Variants in LDLRAD4 observed in about 807,000 individuals in gnomAD.
The protein encoded by LDLRAD4 is low-density lipoprotein receptor class A domain-containing protein 4.
In LDLRAD4, 5 loss-of-function variants were observed where a neutral mutation model predicts 17.0. That is an observed-to-expected ratio of 0.29 (90% CI 0.15 to 0.62). LDLRAD4 has a LOEUF of 0.62. Ranked by LOEUF, LDLRAD4 falls within the 20% of genes least tolerant of loss-of-function variation. LDLRAD4 has a pLI of 0.84. For missense variants in LDLRAD4, 340 were observed against 424.7 expected, an observed-to-expected ratio of 0.80 and a Z score of 1.75; for synonymous variants, 168 against 171.8, an observed-to-expected ratio of 0.98 and a Z score of 0.17.
chr18:13,494,585 G>A (rs1328910969), intron 3 of LDLRAD4, among the ~76,000 whole-genome samples: 1 of 129,676 alleles, frequency 7.7e-6, no homozygotes, highest in African/African-American at 2.9e-5. Flanking sequence ...AGCTGAGGTG[G>A]GAGGATCCCT....
At chr18:13,496,517 T>C (rs192699072) in intron 3 of LDLRAD4, among the ~76,000 whole-genome samples, 4 of 152,344 alleles carry the variant, frequency 2.6e-5, no homozygotes, top group East Asian at 1.9e-4. Context: ...CCATGTCCCC[T>C]GTGGAGAGGA....
intron 1 of LDLRAD4, among the ~76,000 whole-genome samples, chr18:13,374,886 C>T (rs1040843834): frequency 2.0e-5 from 3 of 152,192 alleles, no homozygotes; most frequent in Non-Finnish European, 4.4e-5. Context: ...AAGAGCACCC[C>T]AGGCCCTGGA....
chr18:13,431,310 C>T (rs912172769), intron 2 of LDLRAD4, among the ~76,000 whole-genome samples: 8 of 152,194 alleles, frequency 5.3e-5, no homozygotes, highest in Non-Finnish European at 7.3e-5. Context: ...TACCTACTTT[C>T]GGTACTGTTC....
In LDLRAD4 at chr18:13,296,940, C is replaced by G. The variant is rs926782753; in HGVS notation, c.-383+18752C>G. On this transcript the variant is annotated intron_variant, in intron 1 of 5. Transcript: ENST00000359446. ...TGGGTTTCTGGAGCCACCATGGACT[C>G]GTTATGTGCCCTGGGCAGTCAGTTC... 5.3e-5 allele frequency among the ~76,000 whole-genome samples: 8 copies of G among 152,224 alleles called. No individual in the cohort carries two copies. The East Asian group carries it at 1.5e-3, about 29-fold the overall frequency.
At chr18:13,319,084 T>G (rs944818658) in intron 1 of LDLRAD4, among the ~76,000 whole-genome samples, 2 of 152,254 alleles carry the variant, frequency 1.3e-5, no homozygotes, top group Non-Finnish European at 2.9e-5. Context: ...ATTCACTGTT[T>G]TTAAATGCTG....
intron 3 of LDLRAD4, among the ~76,000 whole-genome samples, chr18:13,573,356 C>T (rs28545673): frequency 0.16 from 23,717 of 149,446 alleles, 1,849 homozygotes; most frequent in African/African-American, 0.22. Flanking sequence ...CTGCCCACCT[C>T]GGCCTCCCAA....
chr18:13,236,225 G>T (rs1278930071), intron 1 of LDLRAD4, among the ~76,000 whole-genome samples: 4 of 151,668 alleles, frequency 2.6e-5, no homozygotes, highest in African/African-American at 9.7e-5. Context: ...CTCGTTAGAT[G>T]TGGAAACAGT....
At chr18:13,229,524 C>T (rs1000636292) in intron 1 of LDLRAD4, among the ~76,000 whole-genome samples, 2 of 152,160 alleles carry the variant, frequency 1.3e-5, no homozygotes, top group Non-Finnish European at 2.9e-5. Flanking sequence ...ACCCAGTTCC[C>T]GCCTTTTGGA....
intron 3 of LDLRAD4, chr18:13,612,081 G>T: frequency 1.0e-6 from 1 of 985,586 alleles, no homozygotes; most frequent in Non-Finnish European, 1.2e-6. Flanking sequence ...GCCCTCTCCG[G>T]TCCTTCCACA....
Position 13,367,220 on chromosome 18 carries a change from G to A in LDLRAD4, c.-382-20121G>A, listed in dbSNP as rs2084122902. Among the ~76,000 whole-genome samples the A allele has an allele frequency of 6.6e-6, 1 of 152,152 alleles. No homozygotes were observed. The highest frequency in any genetic ancestry group is 2.4e-5 in the African/African-American group (1 of 41,430). ...CACTCCGTTACAACCAGTGGAGGTG[G>A]AACTTGGAATCTTTGAAATAAACTC... is the stretch of plus-strand genomic sequence containing the variant. On this transcript the variant is annotated intron_variant, in intron 1 of 5. Transcript: ENST00000359446. This position sits in a 1 kb window ranked among gnomAD's most constrained non-coding sequence, Gnocchi z 4.1.
rs2084150094 is a variant in LDLRAD4, at chr18:13,367,582, C to T, written c.-382-19759C>T. Among the ~76,000 whole-genome samples the T allele has an allele frequency of 6.6e-6, 1 of 152,180 alleles. No homozygotes were observed. Among genetic ancestry groups the T allele is most frequent in the Non-Finnish European group, 1.5e-5 (1 of 68,034 alleles). On this transcript the variant is annotated intron_variant, in intron 1 of 5. Transcript: ENST00000359446. The surrounding 1 kb of genome is among the most constrained non-coding windows in gnomAD (Gnocchi z 4.1). ...GCTGTGGCAGTGCCAAGCGAGTGGA[C>T]AGAGGGTCTGCAGGCCACTCAGTGG...
At chr18:13,259,331 T>G (rs1487454146) in intron 1 of LDLRAD4, among the ~76,000 whole-genome samples, 2 of 152,144 alleles carry the variant, frequency 1.3e-5, no homozygotes, top group African/African-American at 2.4e-5. Flanking sequence ...CACACCACCA[T>G]GCCTGGCTAA....
At chr18:13,357,643 C>T (rs2083427321) in intron 1 of LDLRAD4, among the ~76,000 whole-genome samples, 1 of 152,110 alleles carries the variant, frequency 6.6e-6, no homozygotes, top group African/African-American at 2.4e-5. Context: ...ATATGTGTGC[C>T]TGTCCATATT....
chr18:13,321,959 A>G (rs1316365245), intron 1 of LDLRAD4, among the ~76,000 whole-genome samples: 1 of 149,868 alleles, frequency 6.7e-6, no homozygotes, highest in Non-Finnish European at 1.5e-5. Flanking sequence ...TTATTTGTGC[A>G]GAAAGCAATT....
intron 3 of LDLRAD4, among the ~76,000 whole-genome samples, chr18:13,577,414 A>C (rs1212578049): frequency 6.6e-6 from 1 of 152,120 alleles, no homozygotes; most frequent in Non-Finnish European, 1.5e-5. Flanking sequence ...GCTGCTGGGG[A>C]ACATGCCTTT....
chr18:13,638,371 A>G (rs903141359), intron 4 of LDLRAD4, among the ~76,000 whole-genome samples: 2 of 150,910 alleles, frequency 1.3e-5, no homozygotes, highest in African/African-American at 4.8e-5. Context: ...TCTTACCCTT[A>G]CAGATGTATA....
chr18:13,420,545 A>C (rs996237026), intron 2 of LDLRAD4: 1 of 152,262 alleles, frequency 6.6e-6, no homozygotes, highest in African/African-American at 2.4e-5. Flanking sequence ...TCTTACTGCC[A>C]TTTTAAGCAT....
At chr18:13,287,678 C>T (rs2045709958) in intron 1 of LDLRAD4, among the ~76,000 whole-genome samples, 1 of 152,206 alleles carries the variant, frequency 6.6e-6, no homozygotes, top group African/African-American at 2.4e-5. Context: ...TCTGATTTCA[C>T]ATTGAACTTA....
At chr18:13,564,580 T>TAAA (rs367805996) in intron 3 of LDLRAD4, among the ~76,000 whole-genome samples, 34 of 82,458 alleles carry the variant, frequency 4.1e-4, no homozygotes, top group African/African-American at 1.6e-3. Flanking sequence ...TCCCATTTTC[T>TAAA]AAAAAAAAAA....
Sources: gnomAD v4.1 joint callset for allele counts (sites outside exome capture counted in the v4.1 genomes callset) on GRCh38, gnomAD v4.1.1 for gene constraint, Gnocchi (gnomAD v3.1) non-coding constraint, MANE v1.5 for transcripts, NCBI Gene and HGNC (gene_info 2026-07-23, HGNC 2026-07-21) for gene names.